Variants in MMP26 observed in about 807,000 individuals in gnomAD.
MMP26 encodes the protein matrix metallopeptidase 26.
In MMP26, 33 loss-of-function variants were observed where a neutral mutation model predicts 31.0. The ratio of observed to expected loss-of-function variants is 1.06; its 90% CI spans 0.81 to 1.42. The LOEUF (loss-of-function observed/expected upper bound fraction) is 1.42, where lower values mean the gene tolerates loss of function less well. Among genes scored for constraint, MMP26 ranks in the 40% most tolerant of loss-of-function variants. The pLI, the probability that MMP26 is intolerant of heterozygous loss-of-function variation, is 0.00. For synonymous variants in MMP26, 122 were observed against 114.9 expected (o/e 1.06, Z -0.40); for missense variants, 347 against 316.1 (o/e 1.10, Z -0.74).
At chr11:4,932,066 CACTT>C (rs1217297803) in intron 2 of MMP26, among the ~76,000 whole-genome samples, 1 of 152,032 alleles carries the variant, frequency 6.6e-6, no homozygotes, top group Non-Finnish European at 1.5e-5. Flanking sequence ...GCTGAAATAG[CACTT>C]ACTACAAACA....
At chr11:4,710,267 A>G (rs1847842981) in intron 1 of MMP26, 2 of 456,730 alleles carry the variant, frequency 4.4e-6, no homozygotes, top group Non-Finnish European at 8.8e-6. Flanking sequence ...TTGCCTCCCC[A>G]GAGGAGCAGA....
chr11:4,891,249 G>A (rs928589171), intron 2 of MMP26, among the ~76,000 whole-genome samples: 1 of 152,106 alleles, frequency 6.6e-6, no homozygotes, highest in African/African-American at 2.4e-5. Context: ...GCATGGCACT[G>A]CCATCTGGTT....
chr11:4,903,444 G>T (rs549655400), intron 2 of MMP26, among the ~76,000 whole-genome samples: 2 of 152,200 alleles, frequency 1.3e-5, no homozygotes, highest in South Asian at 4.1e-4. Flanking sequence ...CGTTTAAGTG[G>T]TTTGACTTAG....
chr11:4,848,221 C>A, intron 2 of MMP26: 1 of 1,581,820 alleles, frequency 6.3e-7, no homozygotes, highest in Non-Finnish European at 8.6e-7. Flanking sequence ...CCACCAAACA[C>A]GGAGGGACAT....
chr11:4,883,741 C>G (rs562484027), intron 2 of MMP26, among the ~76,000 whole-genome samples: 1 of 152,090 alleles, frequency 6.6e-6, no homozygotes, highest in Non-Finnish European at 1.5e-5. Flanking sequence ...TGCACAGTAG[C>G]TTTGATGCTT....
chr11:4,821,878 A>G, intron 2 of MMP26: 1 of 1,613,972 alleles, frequency 6.2e-7, no homozygotes, highest in Non-Finnish European at 8.5e-7. Context: ...CATGTTGATA[A>G]GAAATGTTGC....
At chr11:4,925,717 G>T (rs1851261727) in intron 2 of MMP26, among the ~76,000 whole-genome samples, 1 of 151,198 alleles carries the variant, frequency 6.6e-6, no homozygotes, top group African/African-American at 2.4e-5. Context: ...CAGAGAAATA[G>T]GATGAAAGTA....
rs71050433 is a variant in MMP26, at chr11:4,819,566, A to ATTTTTTTTTTTT, written c.-145+52244_-145+52255dup. 9.5e-4 allele frequency among the ~76,000 whole-genome samples: 48 copies of ATTTTTTTTTTTT among 50,302 alleles called. 3 individuals carry two copies. Among genetic ancestry groups the ATTTTTTTTTTTT allele is most frequent in the South Asian group, 1.1e-3 (1 of 902 alleles). 33.0% of individuals were successfully genotyped at this position (50,302 alleles called of 152,430 possible). A position where few individuals can be genotyped will look rare whatever the true frequency, so the allele number is the denominator to read the frequency against. On this transcript the variant is annotated intron_variant, in intron 2 of 7. Transcript: ENST00000380390. Reference sequence around the variant, plus strand: ...GATGGTCACTGAAATGAGTCGACTGATTTTTTTTTTTTTTTTTTTTTTTTT... The same window carrying ATTTTTTTTTTTT: ...GATGGTCACTGAAATGAGTCGACTGATTTTTTTTTTTTTTTTTTTTTTTTTTTTTTTTTTTTT...
intron 2 of MMP26, among the ~76,000 whole-genome samples, chr11:4,850,282 C>A (rs537894236): frequency 6.6e-6 from 1 of 152,246 alleles, no homozygotes; most frequent in African/African-American, 2.4e-5. Context: ...TAATCCAAAG[C>A]AGATCTTAAC....
intron 1 of MMP26, among the ~76,000 whole-genome samples, chr11:4,716,400 C>T (rs1847930245): frequency 6.6e-6 from 1 of 152,008 alleles, no homozygotes; most frequent in African/African-American, 2.4e-5. Flanking sequence ...AAAACAGAAC[C>T]AGATTTCAAA....
In MMP26 at chr11:4,815,798, T is replaced by C. The variant is rs1849412810; in HGVS notation, c.-145+48457T>C. 1.3e-5 allele frequency among the ~76,000 whole-genome samples: 2 copies of C among 152,056 alleles called. 1 individual carries two copies. The highest frequency in any genetic ancestry group is 4.1e-4 in the South Asian group (2 of 4,824). ...CATGCCTCAAGAAATGCAGAACATA[T>C]TAGAACGTTGCACAAAATATGGCCT... On this transcript the variant is annotated intron_variant, in intron 2 of 7. Coordinates refer to ENST00000380390, the MANE Select transcript of MMP26 (RefSeq NM_021801.5).
intron 1 of MMP26, among the ~76,000 whole-genome samples, chr11:4,705,993 G>A (rs1188606060): frequency 5.9e-5 from 9 of 151,474 alleles, no homozygotes; most frequent in African/African-American, 1.9e-4. Context: ...GTGGTGGTGG[G>A]GGGAGCTGTT....
intron 2 of MMP26, among the ~76,000 whole-genome samples, chr11:4,978,794 G>C (rs374645498): frequency 1.3e-5 from 2 of 152,036 alleles, no homozygotes; most frequent in Admixed American, 6.6e-5. Context: ...TACGTTGTTA[G>C]GGTCCTACCT....
chr11:4,834,212 G>T (rs535576680), intron 2 of MMP26, among the ~76,000 whole-genome samples: 2 of 152,166 alleles, frequency 1.3e-5, no homozygotes, highest in East Asian at 3.9e-4. Flanking sequence ...CGTGAGATGT[G>T]GATTCTTCCC....
At chr11:4,976,277 A>G (rs1209070525) in intron 2 of MMP26, among the ~76,000 whole-genome samples, 3 of 152,082 alleles carry the variant, frequency 2.0e-5, no homozygotes, top group Non-Finnish European at 4.4e-5. Context: ...AAGTTGTTAA[A>G]TAAGGTTATC....
chr11:4,912,963 G>A (rs1440916825), intron 2 of MMP26: 1 of 151,810 alleles, frequency 6.6e-6, no homozygotes, highest in African/African-American at 2.4e-5. Flanking sequence ...AAAAAAACAA[G>A]CTGTAACTAT....
At position 4,797,211 on chromosome 11, in the gene MMP26, T is replaced by G. The variant is rs538483679; in HGVS notation, c.-145+29870T>G. Among the ~76,000 whole-genome samples the G allele has an allele frequency of 4.6e-5, 7 of 152,148 alleles. No individual in the cohort carries two copies. The East Asian group carries it at 1.4e-3, about 29-fold the overall frequency. On this transcript the variant is annotated intron_variant, in intron 2 of 7. Coordinates refer to ENST00000380390, the MANE Select transcript of MMP26 (RefSeq NM_021801.5). ...AATTACAAAACATGACTGTTGAGGG[T>G]TAGTAAGACAGAAGACACATTGAAG...
In MMP26 at chr11:4,943,642, T is replaced by C. The variant is rs185839978; in HGVS notation, c.-144-44426T>C. 16 of 368,120 alleles carry C rather than the reference T, an allele frequency of 4.3e-5. No individual in the cohort carries two copies. In the East Asian group the frequency reaches 1.1e-3, roughly 25 times the overall value. The allele number at this position is 368,120 out of a possible 1,614,324, so 22.8% of individuals were successfully genotyped here. ...ACCCCCAGGTTGCAACAACCGAAGATGTCCCCAGACATTGCCAAATGTCTC... is the reference window on the plus strand; with the variant it reads ...ACCCCCAGGTTGCAACAACCGAAGACGTCCCCAGACATTGCCAAATGTCTC... On this transcript the variant is annotated intron_variant, in intron 2 of 7. Coordinates refer to ENST00000380390, the MANE Select transcript of MMP26 (RefSeq NM_021801.5).
chr11:4,838,335 A>G (rs1370894373), intron 2 of MMP26, among the ~76,000 whole-genome samples: 14 of 139,700 alleles, frequency 1.0e-4, no homozygotes, highest in African/African-American at 3.7e-4. Context: ...AAAAAAAAAA[A>G]AAAAAAAAAA....
Sources: allele counts gnomAD v4.1 joint callset (sites outside exome capture counted in the v4.1 genomes callset), GRCh38; gene constraint gnomAD v4.1.1; transcripts MANE v1.5; gene names NCBI Gene and HGNC (gene_info 2026-07-23, HGNC 2026-07-21).